The following EXOC2 variants were observed in gnomAD, a reference collection of about 807,000 sequenced individuals.
EXOC2 encodes the protein SEC5-like 1.
In EXOC2, 70 loss-of-function variants were observed where a neutral mutation model predicts 131.8. That is an observed-to-expected ratio of 0.53 (90% CI 0.44 to 0.65). EXOC2 has a LOEUF of 0.65. EXOC2 is among the 30% of genes least tolerant of loss of function. The pLI is 0.00. For missense variants in EXOC2, 923 were observed against 1,108.6 expected (o/e 0.83, Z 2.38); for synonymous variants, 411 against 398.4 (o/e 1.03, Z -0.38).
Position 598,140 on chromosome 6 carries a change from G to A in EXOC2, c.971-17C>T, listed in dbSNP as rs745889370. On this transcript the variant is annotated splice_polypyrimidine_tract_variant and intron_variant, in intron 9 of 27. Transcript: ENST00000230449. ...CAGCATAATCTATTTAAAAAGAAAA[G>A]AATACACAAGATTTACAGAATGAAA... The A allele has an allele frequency of 1.3e-6, 2 of 1,554,382 alleles. No individual in the cohort carries two copies. Among genetic ancestry groups the A allele is most frequent in the Admixed American group, 1.8e-5 (1 of 55,610 alleles).
chr6:507,767 G>A (rs1449793562), intron 23 of EXOC2, among the ~76,000 whole-genome samples: 1 of 152,128 alleles, frequency 6.6e-6, no homozygotes, highest in Non-Finnish European at 1.5e-5. Context: ...ATGGGAAAAT[G>A]CTTTGTAAAA....
chr6:567,054 ACT>A (rs1170969047), intron 13 of EXOC2, among the ~76,000 whole-genome samples: 1 of 152,108 alleles, frequency 6.6e-6, no homozygotes, highest in African/African-American at 2.4e-5. Context: ...CCAAACCACC[ACT>A]GTTTCCTGCC....
intron 1 of EXOC2, chr6:669,557 A>T (rs1003628466): frequency 6.6e-6 from 1 of 152,214 alleles, no homozygotes; most frequent in African/African-American, 2.4e-5. Context: ...TGGCCTTTCA[A>T]CCTGACTCCT....
intron 11 of EXOC2, among the ~76,000 whole-genome samples, chr6:587,528 G>A (rs1441035382): frequency 6.6e-6 from 1 of 152,250 alleles, no homozygotes; most frequent in Admixed American, 6.5e-5. Flanking sequence ...ACAGGCGTGA[G>A]CCACCGCGCC....
chr6:573,357 T>C (rs1472449877), intron 12 of EXOC2, among the ~76,000 whole-genome samples: 2 of 152,186 alleles, frequency 1.3e-5, no homozygotes, highest in African/African-American at 4.8e-5. Context: ...GTCTCCCTTC[T>C]TTCTTTTCAC....
chr6:558,854 T>C (rs911733484), intron 17 of EXOC2, among the ~76,000 whole-genome samples: 1 of 151,992 alleles, frequency 6.6e-6, no homozygotes, highest in Non-Finnish European at 1.5e-5. Context: ...AATGTTGATG[T>C]TCATGTGTGG....
At chr6:662,249 G>T (rs1036400180) in intron 1 of EXOC2, among the ~76,000 whole-genome samples, 1 of 152,162 alleles carries the variant, frequency 6.6e-6, no homozygotes, top group Non-Finnish European at 1.5e-5. Flanking sequence ...TGGTCATCAA[G>T]ACAGAAAGTC....
chr6:495,075 G>A lies in EXOC2; in HGVS notation c.2559+2292C>T, dbSNP rs548067796. On this transcript the variant is annotated intron_variant, in intron 25 of 27. Coordinates refer to ENST00000230449, the MANE Select transcript of EXOC2 (RefSeq NM_018303.6). ...AACAATTTTTTTTTTTTTTTGTAGA[G>A]ACAAGGTGTTACTATGTTGCCCAGG... is the stretch of plus-strand genomic sequence containing the variant. Among the ~76,000 whole-genome samples, 11 of 149,522 alleles carry A rather than the reference G, an allele frequency of 7.4e-5. No homozygotes were observed. In the South Asian group the frequency reaches 2.3e-3, roughly 32 times the overall value.
chr6:655,661 T>C (rs935419021), intron 1 of EXOC2, among the ~76,000 whole-genome samples: 6 of 152,218 alleles, frequency 3.9e-5, no homozygotes, highest in Non-Finnish European at 1.5e-5. Flanking sequence ...TGCACACACA[T>C]GCTAAATACC....
At position 611,710 on chromosome 6, in the gene EXOC2, T is replaced by C. The variant is rs1760723780; in HGVS notation, c.662-1532A>G. ...TGTCTGGTTCACTTGACCTTTTATT[T>C]TCTCTGAAAACATCTTTAAGTAGAA... On this transcript the variant is annotated intron_variant, in intron 6 of 27. Transcript: ENST00000230449. Among the ~76,000 whole-genome samples, 3 of 152,242 alleles carry C rather than the reference T, an allele frequency of 2.0e-5. No individual in the cohort carries two copies. The South Asian group carries it at 6.2e-4, about 32-fold the overall frequency.
intron 23 of EXOC2, among the ~76,000 whole-genome samples, chr6:530,410 C>T (rs1766007251): frequency 6.6e-6 from 1 of 152,226 alleles, no homozygotes; most frequent in Admixed American, 6.5e-5. Context: ...ACCCAAATGA[C>T]GGCCTTGTGC....
intron 17 of EXOC2, among the ~76,000 whole-genome samples, chr6:561,627 C>G (rs1002806909): frequency 6.6e-6 from 1 of 152,096 alleles, no homozygotes; most frequent in Non-Finnish European, 1.5e-5. Flanking sequence ...CGCTCTGTCA[C>G]CAGGCTGGAG....
At chr6:495,316 G>A (rs773602596) in intron 25 of EXOC2, among the ~76,000 whole-genome samples, 4 of 147,598 alleles carry the variant, frequency 2.7e-5, no homozygotes, top group Non-Finnish European at 4.5e-5. Context: ...TAGTAGAGAC[G>A]GGTTTCACCG....
At chr6:670,019 A>G (rs1018330547) in intron 1 of EXOC2, 1 of 152,246 alleles carries the variant, frequency 6.6e-6, no homozygotes, top group African/African-American at 2.4e-5. Flanking sequence ...AAGCTCTGCT[A>G]TAGTTCTGTC....
intron 23 of EXOC2, among the ~76,000 whole-genome samples, chr6:501,176 CTATATATTATATATATCTATATATATTA>C (rs1561785728): frequency 0.018 from 112 of 6,346 alleles, 7 homozygotes; most frequent in South Asian, 0.023. Context: ...TTATATATAT[CTATATATTATATATATCTATATATATTA>C]TATATATATT....
intron 22 of EXOC2, among the ~76,000 whole-genome samples, chr6:546,744 A>G (rs1030510068): frequency 6.6e-6 from 1 of 152,218 alleles, no homozygotes; most frequent in Non-Finnish European, 1.5e-5. Flanking sequence ...AGCTTACTAT[A>G]TTACAGGAAT....
At chr6:587,024 A>G (rs1759246123) in intron 11 of EXOC2, among the ~76,000 whole-genome samples, 1 of 152,236 alleles carries the variant, frequency 6.6e-6, no homozygotes. Context: ...AATATTTAGT[A>G]GGCATTCCCC....
chr6:558,828 A>T (rs1757557816), intron 17 of EXOC2, among the ~76,000 whole-genome samples: 1 of 142,244 alleles, frequency 7.0e-6, no homozygotes, highest in South Asian at 2.1e-4. Flanking sequence ...ATTAAAAATT[A>T]AAAAAAAAAT....
At chr6:685,127 A>AACACACACACACAC (rs35607623) in intron 1 of EXOC2, among the ~76,000 whole-genome samples, 2 of 149,512 alleles carry the variant, frequency 1.3e-5, no homozygotes, top group African/African-American at 4.9e-5. Context: ...ATCATTTGAA[A>AACACACACACACAC]ACACACACAC....
Sources: gnomAD v4.1 joint callset for allele counts (sites outside exome capture counted in the v4.1 genomes callset) on GRCh38, gnomAD v4.1.1 for gene constraint, MANE v1.5 for transcripts, NCBI Gene and HGNC (gene_info 2026-07-23, HGNC 2026-07-21) for gene names.